Variants in PLGRKT observed in about 807,000 individuals in gnomAD.
The protein encoded by PLGRKT is plasminogen receptor (KT).
Under a neutral mutation model 18.5 loss-of-function variants are expected in PLGRKT, and 22 were observed. That is an observed-to-expected ratio of 1.19 (90% confidence interval 0.85 to 1.70). PLGRKT has a LOEUF of 1.70. Ranked by LOEUF, PLGRKT falls within the 40% of genes most tolerant of loss-of-function variation. The pLI is 0.00. For synonymous variants in PLGRKT, 72 were observed against 52.8 expected (o/e 1.36, Z -1.58); for missense variants, 235 against 174.4 (o/e 1.35, Z -1.96).
intron 3 of PLGRKT, among the ~76,000 whole-genome samples, chr9:5,413,564 GA>G (rs1818404545): frequency 6.6e-6 from 1 of 152,148 alleles, no homozygotes; most frequent in Non-Finnish European, 1.5e-5. Flanking sequence ...AAATGTGGAG[GA>G]AGGGCCCATG....
intron 3 of PLGRKT, among the ~76,000 whole-genome samples, chr9:5,423,297 C>T (rs1818613121): frequency 6.6e-6 from 1 of 152,152 alleles, no homozygotes; most frequent in Non-Finnish European, 1.5e-5. Flanking sequence ...ATAGACACTC[C>T]ATAAAGTGTA....
At chr9:5,428,728 C>T (rs1007144792) in intron 3 of PLGRKT, among the ~76,000 whole-genome samples, 8 of 152,146 alleles carry the variant, frequency 5.3e-5, no homozygotes, top group East Asian at 1.9e-4. Flanking sequence ...GATAGGGTCT[C>T]GCTCTGTCAA....
chr9:5,419,504 T>C (rs7873709), intron 3 of PLGRKT, among the ~76,000 whole-genome samples: 150,553 of 152,300 alleles, frequency 0.99, 74,420 homozygotes, highest in East Asian at 1. Context: ...GAGCCAGACA[T>C]GCCCTATGGC....
chr9:5,424,458 CAT>C (rs768945712), intron 3 of PLGRKT, among the ~76,000 whole-genome samples: 4 of 116,716 alleles, frequency 3.4e-5, no homozygotes, highest in Admixed American at 9.6e-5. Flanking sequence ...TATATTATAA[CAT>C]AATATATAAC....
intron 3 of PLGRKT, among the ~76,000 whole-genome samples, chr9:5,403,138 C>G (rs1281013031): frequency 1.3e-5 from 2 of 151,564 alleles, no homozygotes; most frequent in African/African-American, 4.9e-5. Flanking sequence ...AAACAGACAG[C>G]AGATTGGAAC....
intron 3 of PLGRKT, among the ~76,000 whole-genome samples, chr9:5,421,030 T>C (rs1818566027): frequency 6.6e-6 from 1 of 152,210 alleles, no homozygotes; most frequent in South Asian, 2.1e-4. Flanking sequence ...AACCATCAGG[T>C]CACATCACTA....
At chr9:5,411,492 G>A (rs1439786692) in intron 3 of PLGRKT, among the ~76,000 whole-genome samples, 2 of 151,978 alleles carry the variant, frequency 1.3e-5, no homozygotes, top group Admixed American at 6.6e-5. Context: ...TAGAGATGAA[G>A]AAGCCAGACT....
chr9:5,426,128 C>G (rs1818693269), intron 3 of PLGRKT, among the ~76,000 whole-genome samples: 1 of 152,138 alleles, frequency 6.6e-6, no homozygotes, highest in Admixed American at 6.5e-5. Flanking sequence ...CTTTTCAACC[C>G]TAGGGACTTC....
rs62557753 is a variant in PLGRKT at position 5,381,257 on chromosome 9, A to G, written c.82-19369T>C. 5.4e-3 allele frequency among the ~76,000 whole-genome samples: 825 copies of G among 152,340 alleles called. 5 individuals are homozygous for G. The highest frequency in any genetic ancestry group is 8.7e-3 in the South Asian group (42 of 4,832). ...AGAGCTGTTCGTGGCAGCCCCTCCC[A>G]TTACAAACCCAGGAGCCTAGGAGGG... On this transcript the variant is annotated intron_variant, in intron 3 of 5. Coordinates refer to ENST00000223864, the MANE Select transcript of PLGRKT (RefSeq NM_018465.4).
At chr9:5,376,296 C>T (rs1207544224) in intron 3 of PLGRKT, among the ~76,000 whole-genome samples, 1 of 152,118 alleles carries the variant, frequency 6.6e-6, no homozygotes, top group Admixed American at 6.5e-5. Context: ...CAAGGCAGCA[C>T]AAGGGAGAGG....
intron 1 of PLGRKT, chr9:5,437,547 T>C (rs1355162614): frequency 6.6e-6 from 1 of 152,194 alleles, no homozygotes; most frequent in Non-Finnish European, 1.5e-5. Flanking sequence ...CCTGTTTTTC[T>C]CAACTCTATT....
At chr9:5,366,735 G>C (rs1053283512) in intron 3 of PLGRKT, among the ~76,000 whole-genome samples, 4 of 152,042 alleles carry the variant, frequency 2.6e-5, no homozygotes, top group Non-Finnish European at 5.9e-5. Context: ...ATGTAGTACT[G>C]GAAGTCCTAG....
At chr9:5,410,347 G>C (rs2131142224) in intron 3 of PLGRKT, among the ~76,000 whole-genome samples, 1 of 152,002 alleles carries the variant, frequency 6.6e-6, no homozygotes, top group East Asian at 1.9e-4. Flanking sequence ...ACCAGCCTAG[G>C]CAACATGGTG....
At chr9:5,370,730 T>C (rs1187293616) in intron 3 of PLGRKT, among the ~76,000 whole-genome samples, 1 of 152,226 alleles carries the variant, frequency 6.6e-6, no homozygotes, top group East Asian at 1.9e-4. Context: ...ATAGAAACAT[T>C]ATTAATACCT....
chr9:5,430,133 C>T (rs1041705012), intron 3 of PLGRKT, among the ~76,000 whole-genome samples: 3 of 152,228 alleles, frequency 2.0e-5, no homozygotes, highest in African/African-American at 7.2e-5. Flanking sequence ...AACACCACCA[C>T]GCTCATGCTG....
In PLGRKT at chr9:5,418,853, TC is replaced by T; in HGVS notation, c.81+13043del. Reference sequence around the variant, plus strand: ...CATCGCACATCCTTCTGGCTGGTCCTCGTCTGCTGGAGGCAAACTGAACAGC... The same window carrying T: ...CATCGCACATCCTTCTGGCTGGTCCTGTCTGCTGGAGGCAAACTGAACAGC... On this transcript the variant is annotated intron_variant, in intron 3 of 5. Coordinates refer to ENST00000223864, the MANE Select transcript of PLGRKT (RefSeq NM_018465.4). This position sits in a 1 kb window ranked among gnomAD's most constrained non-coding sequence, Gnocchi z 4.2. 9.4e-7 allele frequency: 1 copy of T among 1,068,548 alleles called. No individual in the cohort carries two copies. The highest frequency in any genetic ancestry group is 1.4e-6 in the Non-Finnish European group (1 of 695,128). 66.2% of individuals were successfully genotyped at this position (1,068,548 alleles called of 1,614,324 possible).
intron 3 of PLGRKT, among the ~76,000 whole-genome samples, chr9:5,424,273 T>C (rs1312441107): frequency 7.3e-6 from 1 of 137,226 alleles, no homozygotes; most frequent in East Asian, 2.0e-4. Flanking sequence ...TGTCATATAT[T>C]ATATATAATA....
At chr9:5,428,557 C>G (rs549293199) in intron 3 of PLGRKT, among the ~76,000 whole-genome samples, 1 of 152,212 alleles carries the variant, frequency 6.6e-6, no homozygotes, top group South Asian at 2.1e-4. Flanking sequence ...GGAAGCAGCA[C>G]CCATTCTGGG....
rs556204031 is a variant in PLGRKT, at chr9:5,415,698, T to C, written c.81+16199A>G. On this transcript the variant is annotated intron_variant, in intron 3 of 5. Coordinates refer to ENST00000223864, the MANE Select transcript of PLGRKT (RefSeq NM_018465.4). ...AGGAAGACACAAAAGCATTTTGTGGTTTAAGAAAAATAAGCAAAAACATTC... is the reference window on the plus strand; with the variant it reads ...AGGAAGACACAAAAGCATTTTGTGGCTTAAGAAAAATAAGCAAAAACATTC... Among the ~76,000 whole-genome samples, 31 of 152,250 alleles carry C rather than the reference T, an allele frequency of 2.0e-4. 1 individual carries two copies. The East Asian group carries it at 5.8e-3, about 28-fold the overall frequency.
Sources: allele counts gnomAD v4.1 joint callset (sites outside exome capture counted in the v4.1 genomes callset), GRCh38; gene constraint gnomAD v4.1.1; non-coding constraint Gnocchi (gnomAD v3.1); transcripts MANE v1.5; gene names NCBI Gene and HGNC (gene_info 2026-07-23, HGNC 2026-07-21).